Variants in NCOA7 observed in about 807,000 individuals in gnomAD.
NCOA7 encodes 140 kDa estrogen receptor-associated protein.
In NCOA7, 45 loss-of-function variants were observed where a neutral mutation model predicts 104.3. That is an observed-to-expected ratio of 0.43 (90% CI 0.34 to 0.55). The LOEUF (loss-of-function observed/expected upper bound fraction) is 0.55, where lower values mean the gene tolerates loss of function less well. Ranked by LOEUF, NCOA7 falls within the 20% of genes least tolerant of loss-of-function variation. The pLI is 0.02. For missense variants in NCOA7, 1,041 were observed against 1,119.7 expected (o/e 0.93, Z 1.00); for synonymous variants, 398 against 402.3 (o/e 0.99, Z 0.13).
intron 10 of NCOA7, among the ~76,000 whole-genome samples, chr6:125,902,524 A>G (rs1785599907): frequency 6.6e-6 from 1 of 151,904 alleles, no homozygotes; most frequent in Non-Finnish European, 1.5e-5. Flanking sequence ...AAGCAACAGT[A>G]AATTAAATCC....
intron 1 of NCOA7, among the ~76,000 whole-genome samples, chr6:125,785,350 T>G (rs1212199455): frequency 6.6e-6 from 1 of 152,106 alleles, no homozygotes; most frequent in East Asian, 1.9e-4. Flanking sequence ...GAAAAAAAAC[T>G]GGTGAGATCT....
chr6:125,862,763 G>C lies in NCOA7; in HGVS notation c.271+7523G>C, dbSNP rs549560660. On this transcript the variant is annotated intron_variant, in intron 3 of 15. Transcript: ENST00000392477. ...TCATGCCTATAATCACAGCACTTTGGGGGGCCAAGGCAGGCAGATCACCTG... is the reference window on the plus strand; with the variant it reads ...TCATGCCTATAATCACAGCACTTTGCGGGGCCAAGGCAGGCAGATCACCTG... 3.6e-5 allele frequency among the ~76,000 whole-genome samples: 5 copies of C among 138,540 alleles called. 1 individual carries two copies. Among genetic ancestry groups the C allele is most frequent in the Admixed American group, 3.4e-4 (5 of 14,638 alleles). The allele number at this position is 138,540 out of a possible 152,430, so 90.9% of individuals were successfully genotyped here. A position where few individuals can be genotyped will look rare whatever the true frequency, so the allele number is the denominator to read the frequency against.
intron 12 of NCOA7, 92 bp downstream of exon 12, chr6:125,921,160 C>A: frequency 6.7e-7 from 1 of 1,490,722 alleles, no homozygotes; most frequent in South Asian, 1.2e-5. Context: ...CTGTAATCCT[C>A]ACACTTTGGG....
chr6:125,909,700 G>C (rs1451159006), intron 10 of NCOA7, among the ~76,000 whole-genome samples: 4 of 152,034 alleles, frequency 2.6e-5, no homozygotes, highest in Non-Finnish European at 5.9e-5. Context: ...ATCTCACCTA[G>C]TCAGGAGGCT....
At chr6:125,800,657 T>C (rs182610287) in intron 1 of NCOA7, among the ~76,000 whole-genome samples, 1 of 152,344 alleles carries the variant, frequency 6.6e-6, no homozygotes, top group Non-Finnish European at 1.5e-5. Context: ...ATGAACAGCA[T>C]AAGACACATT....
intron 3 of NCOA7, 121 bp from the exon 4 acceptor site, chr6:125,874,768 A>G (rs1783218600): frequency 3.0e-6 from 2 of 675,258 alleles, no homozygotes. Context: ...CCCTGAGTCC[A>G]TTTTCCTATT....
intron 13 of NCOA7, among the ~76,000 whole-genome samples, chr6:125,923,145 A>T (rs1322925019): frequency 6.6e-6 from 1 of 152,220 alleles, no homozygotes; most frequent in Non-Finnish European, 1.5e-5. Flanking sequence ...GATATCCCAC[A>T]GCCTAAAAAC....
chr6:125,871,894 A>G (rs1232400663), intron 3 of NCOA7, among the ~76,000 whole-genome samples: 1 of 151,512 alleles, frequency 6.6e-6, no homozygotes, highest in African/African-American at 2.4e-5. Flanking sequence ...CTATTCGGGA[A>G]GCTGAGGTGG....
At chr6:125,809,034 C>T (rs1235592227) in intron 1 of NCOA7, among the ~76,000 whole-genome samples, 6 of 152,142 alleles carry the variant, frequency 3.9e-5, no homozygotes, top group South Asian at 4.1e-4. Flanking sequence ...ATAGCAGATC[C>T]GGAGCCCATC....
intron 2 of NCOA7, among the ~76,000 whole-genome samples, chr6:125,839,894 T>C (rs1162314260): frequency 6.6e-6 from 1 of 152,076 alleles, no homozygotes; most frequent in Non-Finnish European, 1.5e-5. Flanking sequence ...ATAATGATGA[T>C]AAATGACTGT....
Position 125,860,094 on chromosome 6 carries a change from T to C in NCOA7, c.271+4854T>C, listed in dbSNP as rs190783810. On this transcript the variant is annotated intron_variant, in intron 3 of 15. Transcript: ENST00000392477. Reference sequence around the variant, plus strand: ...TAAGCATCAAAAAAACCTTCCAGAATGAGTGAACTGAGCCCTTTCGTGCTT... The same window carrying C: ...TAAGCATCAAAAAAACCTTCCAGAACGAGTGAACTGAGCCCTTTCGTGCTT... Among the ~76,000 whole-genome samples the C allele has an allele frequency of 3.5e-4, 54 of 152,238 alleles. No individual in the cohort carries two copies. In the East Asian group the frequency reaches 9.5e-3, roughly 27 times the overall value.
intron 3 of NCOA7, among the ~76,000 whole-genome samples, chr6:125,866,705 T>C (rs1229430871): frequency 6.6e-6 from 1 of 152,214 alleles, no homozygotes; most frequent in African/African-American, 2.4e-5. Context: ...ATGATATTTA[T>C]GGGGAAATCC....
At chr6:125,811,638 G>T (rs1291853574) in intron 1 of NCOA7, among the ~76,000 whole-genome samples, 2 of 152,112 alleles carry the variant, frequency 1.3e-5, no homozygotes, top group Admixed American at 1.3e-4. Context: ...CGCCCAGGGG[G>T]TTCAAACCAC....
Position 125,888,949 on chromosome 6 carries a change from C to A in NCOA7, c.895C>A (p.Gln299Lys). Residue 299 changes from glutamine to lysine, a missense_variant, in exon 9 of 16, where the codon CAG (glutamine) becomes AAG (lysine). Coordinates refer to ENST00000392477, the MANE Select transcript of NCOA7 (RefSeq NM_181782.5). Reference protein sequence around the residue: ...IKDALPSDLPQDLCPLYRPGE... With the variant: ...IKDALPSDLPKDLCPLYRPGE... ...TTTCTCCCCCAACAGTGACCTACCT[C>A]AGGATCTTTGTCCTCTGTACAGGCC... 1 of 1,600,458 alleles carries A rather than the reference C, an allele frequency of 6.2e-7. No homozygotes were observed. The highest frequency in any genetic ancestry group is 8.5e-7 in the Non-Finnish European group (1 of 1,172,382).
At chr6:125,784,984 A>G (rs1270555643) in intron 1 of NCOA7, among the ~76,000 whole-genome samples, 1 of 115,008 alleles carries the variant, frequency 8.7e-6, no homozygotes, top group Non-Finnish European at 1.9e-5. Flanking sequence ...AATGTTGCAT[A>G]TAAACACACA....
intron 1 of NCOA7, among the ~76,000 whole-genome samples, chr6:125,804,465 G>A (rs1776226680): frequency 6.6e-6 from 1 of 152,184 alleles, no homozygotes; most frequent in African/African-American, 2.4e-5. Context: ...GTACCCAGTA[G>A]TGATTGATGG....
At chr6:125,875,108 G>T (rs1299760580) in intron 4 of NCOA7, 140 bp downstream of exon 4, 5 of 565,288 alleles carry the variant, frequency 8.8e-6, no homozygotes, top group Non-Finnish European at 1.6e-5. Context: ...CCAGTTTTAG[G>T]TCATTTCTTT....
chr6:125,923,607 C>G (rs966986072), intron 13 of NCOA7, among the ~76,000 whole-genome samples: 5 of 152,190 alleles, frequency 3.3e-5, no homozygotes, highest in Non-Finnish European at 7.3e-5. Flanking sequence ...AGAAATTCCT[C>G]TAAGATTTTA....
intron 3 of NCOA7, among the ~76,000 whole-genome samples, chr6:125,874,507 A>G (rs1783200387): frequency 6.6e-6 from 1 of 152,316 alleles, no homozygotes; most frequent in Non-Finnish European, 1.5e-5. Context: ...ATTCAGAATG[A>G]ACTTTTCTAT....
Sources: gnomAD v4.1 joint callset for allele counts (sites outside exome capture counted in the v4.1 genomes callset) on GRCh38, gnomAD v4.1.1 for gene constraint, MANE v1.5 for transcripts, NCBI Gene and HGNC (gene_info 2026-07-23, HGNC 2026-07-21) for gene names.